Variants in ADCY7 observed in about 807,000 individuals in gnomAD.
ADCY7 encodes adenylate cyclase type 7.
ADCY7 carries 72 observed loss-of-function variants against 120.6 expected under a neutral mutation model. The observed-to-expected ratio is 0.60, with a 90% CI of 0.49 to 0.73. The LOEUF (loss-of-function observed/expected upper bound fraction) is 0.73. ADCY7 is among the 30% of genes least tolerant of loss of function. ADCY7 has a pLI of 0.00. For synonymous variants in ADCY7, 661 were observed against 628.0 expected, an observed-to-expected ratio of 1.05 and a Z score of -0.78; for missense variants, 1,227 against 1,486.0, an observed-to-expected ratio of 0.83 and a Z score of 2.87.
chr16:50,247,888 T>C (rs2032639191), intron 1 of ADCY7, among the ~76,000 whole-genome samples: 2 of 152,090 alleles, frequency 1.3e-5, no homozygotes, highest in Admixed American at 6.5e-5. Flanking sequence ...AAAGAGTGGG[T>C]ACTTTTGGGC....
intron 22 of ADCY7, chr16:50,313,726 G>T: frequency 1.8e-6 from 1 of 547,692 alleles, no homozygotes; most frequent in Non-Finnish European, 3.3e-6. Context: ...GACACAGATG[G>T]AAGGGAAGAG....
At chr16:50,309,942 T>G (rs182198388) in intron 18 of ADCY7, among the ~76,000 whole-genome samples, 122 of 152,264 alleles carry the variant, frequency 8.0e-4, no homozygotes, top group African/African-American at 2.8e-3. Context: ...ACTTCCTCTC[T>G]GACAGGCCTG....
intron 1 of ADCY7, among the ~76,000 whole-genome samples, chr16:50,247,809 T>A (rs1390756477): frequency 6.6e-6 from 1 of 152,172 alleles, no homozygotes; most frequent in Non-Finnish European, 1.5e-5. Flanking sequence ...CCTCTGCTCG[T>A]TCGGGATCCC....
At chr16:50,277,010 GTGGGATTTATCCACTCTGTGAAA>G (rs1480036113) in intron 1 of ADCY7, among the ~76,000 whole-genome samples, 4 of 152,078 alleles carry the variant, frequency 2.6e-5, no homozygotes, top group Admixed American at 6.6e-5. Context: ...AAAATGAGAA[GTGGGATTTATCCACTCTGTGAAA>G]TCAAGAGTTT....
chr16:50,246,608 G>A (rs1048864617), intron 1 of ADCY7, among the ~76,000 whole-genome samples: 4 of 152,218 alleles, frequency 2.6e-5, no homozygotes, highest in African/African-American at 9.6e-5. Context: ...AGCAAACACT[G>A]CACAGGGTAG....
chr16:50,314,149 C>T lies in ADCY7; in HGVS notation c.2856+87C>T, dbSNP rs373250354. 279 of 1,444,046 alleles carry T rather than the reference C, an allele frequency of 1.9e-4. 1 individual carries two copies. The East Asian group carries it at 3.8e-3, about 20-fold the overall frequency. The allele number at this position is 1,444,046 out of a possible 1,614,324, so 89.5% of individuals were successfully genotyped here. A position where few individuals can be genotyped will look rare whatever the true frequency, so the allele number is the denominator to read the frequency against. On this transcript the variant is annotated intron_variant, in intron 23 of 25. Coordinates refer to ENST00000673801, the MANE Select transcript of ADCY7 (RefSeq NM_001114.5). ...TTACTTAAAGGGTGTGCCCTTATCT[C>T]GTCCTGGGGGAGGGGCACAGGTACT...
In ADCY7 at chr16:50,295,345, ATTTTTTTTTTTTTT is replaced by A. The variant is rs67137852; in HGVS notation, c.948+611_948+624del. On this transcript the variant is annotated intron_variant, in intron 7 of 25. Coordinates refer to ENST00000673801, the MANE Select transcript of ADCY7 (RefSeq NM_001114.5). ...AGGCATGCACCACCACGCCTGGCTA[ATTTTTTTTTTTTTT>A]TTTTTTTTTTTTTTTTGTAGCAATG... Among the ~76,000 whole-genome samples, 9 of 82,748 alleles carry A rather than the reference ATTTTTTTTTTTTTT, an allele frequency of 1.1e-4. No homozygotes were observed. The East Asian group carries it at 1.4e-3, about 13-fold the overall frequency. 54.3% of individuals were successfully genotyped at this position (82,748 alleles called of 152,430 possible). A position where few individuals can be genotyped will look rare whatever the true frequency, so the allele number is the denominator to read the frequency against.
At chr16:50,291,480 C>T (rs754699286) in intron 3 of ADCY7, among the ~76,000 whole-genome samples, 2 of 152,186 alleles carry the variant, frequency 1.3e-5, no homozygotes, top group Non-Finnish European at 2.9e-5. Context: ...CTGGATCACG[C>T]GGGGCATGGA....
rs2034692155 is a variant in ADCY7 at position 50,288,081 on chromosome 16, G to A, written c.-99G>A. The A allele has an allele frequency of 7.1e-7, 1 of 1,407,070 alleles. No homozygotes were observed. The highest frequency in any genetic ancestry group is 1.5e-5 in the African/African-American group (1 of 68,948). 87.2% of individuals were successfully genotyped at this position (1,407,070 alleles called of 1,614,324 possible). A position where few individuals can be genotyped will look rare whatever the true frequency, so the allele number is the denominator to read the frequency against. ...GCTTGCCTGCCTCGGAGAGGACAGA[G>A]GCCTAGGCCCACGGGGGAGGGTGTT... On this transcript the variant is annotated 5_prime_UTR_variant, in exon 2 of 26. Coordinates refer to ENST00000673801, the MANE Select transcript of ADCY7 (RefSeq NM_001114.5).
intron 10 of ADCY7, 145 bp downstream of exon 10, chr16:50,301,359 TC>T: frequency 8.8e-7 from 1 of 1,130,778 alleles, no homozygotes; most frequent in Non-Finnish European, 1.2e-6. Context: ...AGCTCCCTGT[TC>T]CCAGGCACAT....
intron 1 of ADCY7, chr16:50,274,316 A>C (rs1377132886): frequency 6.6e-6 from 1 of 152,318 alleles, no homozygotes; most frequent in Non-Finnish European, 1.5e-5. Flanking sequence ...TCCTGTGCCC[A>C]ATAGCTCCGT....
At chr16:50,253,102 C>T (rs183154655) in intron 1 of ADCY7, among the ~76,000 whole-genome samples, 43 of 152,194 alleles carry the variant, frequency 2.8e-4, no homozygotes, top group African/African-American at 1.0e-3. Context: ...AGGTGCCCTG[C>T]ACGATTTTCT....
rs79783800 is a variant in ADCY7, at chr16:50,285,469, C to T, written c.-268-2443C>T. Among the ~76,000 whole-genome samples the T allele has an allele frequency of 7.7e-3, 1,177 of 152,346 alleles. 18 individuals are homozygous for T. Among genetic ancestry groups the T allele is most frequent in the African/African-American group, 0.027 (1,128 of 41,578 alleles). On this transcript the variant is annotated intron_variant, in intron 1 of 25. Coordinates refer to ENST00000673801, the MANE Select transcript of ADCY7 (RefSeq NM_001114.5). ...CATACTAGCAGGTGCTGGTTGGGGA[C>T]TTGGGGACCCTGGATATCCTGCTTT...
chr16:50,311,405 G>T (rs1164718279), intron 19 of ADCY7, among the ~76,000 whole-genome samples: 1 of 152,106 alleles, frequency 6.6e-6, no homozygotes, highest in African/African-American at 2.4e-5. Flanking sequence ...CACCCCGCCT[G>T]CCACTGACCC....
chr16:50,295,074 C>T (rs907441843), intron 7 of ADCY7, among the ~76,000 whole-genome samples: 1 of 152,194 alleles, frequency 6.6e-6, no homozygotes, highest in African/African-American at 2.4e-5. Context: ...CTAGCAGCCT[C>T]CACTCACCTG....
intron 1 of ADCY7, among the ~76,000 whole-genome samples, chr16:50,272,587 G>C (rs1036123763): frequency 6.6e-6 from 1 of 152,182 alleles, no homozygotes; most frequent in Non-Finnish European, 1.5e-5. Context: ...GGAGTTGCAG[G>C]CCCTGCCCCA....
intron 1 of ADCY7, among the ~76,000 whole-genome samples, chr16:50,285,226 A>G (rs972122240): frequency 7.2e-5 from 11 of 152,244 alleles, no homozygotes; most frequent in African/African-American, 2.7e-4. Context: ...GCTCTTGGCC[A>G]CATCCCTGAA....
At chr16:50,305,971 A>C (rs2036039066) in intron 14 of ADCY7, 122 bp downstream of exon 14, 1 of 951,016 alleles carries the variant, frequency 1.1e-6, no homozygotes, top group Admixed American at 2.0e-5. Flanking sequence ...GGGCACTGAG[A>C]ATCCACAGCT....
At position 50,305,572 on chromosome 16, in the gene ADCY7, G is replaced by T. The variant is rs11861332; in HGVS notation, c.1665G>T (p.Gly555=). The change falls in exon 13 of 26, where the codon GGG becomes GGT. Residue 555 remains glycine, a synonymous_variant. Transcript: ENST00000673801. ...YDDEMLSAIE[G]LSSTRPCCSK... is the part of the protein sequence containing the mutation. ...ACGAGATGCTGTCAGCCATTGAGGG[G>T]CTCAGCTCCACGAGGTGAGGTCTGA... 6.2e-6 allele frequency: 10 copies of T among 1,602,890 alleles called. No homozygotes were observed. The highest frequency in any genetic ancestry group is 8.5e-6 in the Non-Finnish European group (10 of 1,173,706).
Sources: allele counts gnomAD v4.1 joint callset (sites outside exome capture counted in the v4.1 genomes callset), GRCh38; gene constraint gnomAD v4.1.1; transcripts MANE v1.5; gene names NCBI Gene and HGNC (gene_info 2026-07-23, HGNC 2026-07-21).